The following RAB33A variants were observed in gnomAD, a reference collection of about 807,000 sequenced individuals.
The protein encoded by RAB33A is ras-related protein Rab-33A.
Under a neutral mutation model 12.0 loss-of-function variants are expected in RAB33A, and 6 were observed. The ratio of observed to expected loss-of-function variants is 0.50; its 90% CI spans 0.27 to 0.99. The LOEUF (loss-of-function observed/expected upper bound fraction) is 0.99, where lower values mean the gene tolerates loss of function less well. Among genes scored for constraint, RAB33A ranks in the 50% least tolerant of loss-of-function variants. The pLI is 0.11. For synonymous variants in RAB33A, 70 were observed against 82.4 expected (o/e 0.85, Z 0.81); for missense variants, 109 against 192.0 (o/e 0.57, Z 2.55).
chrX:130,145,583 A>T, the RAB33A span: 3 of 1,127,768 alleles, frequency 2.7e-6, no homozygotes, highest in Non-Finnish European at 3.7e-6. Context: ...TATGGAGAAG[A>T]GAGGGAGAAT....
intron 1 of RAB33A, among the ~76,000 whole-genome samples, chrX:130,183,765 C>G (rs1415282099): frequency 8.9e-6 from 1 of 111,860 alleles, no homozygotes; most frequent in Non-Finnish European, 1.9e-5. Flanking sequence ...AGATTTTTTT[C>G]AACTCAAGAT....
the RAB33A span, chrX:130,133,575 A>G: frequency 3.2e-6 from 3 of 927,023 alleles, no homozygotes; most frequent in Admixed American, 2.5e-5. Flanking sequence ...CATGTTTTCC[A>G]TCTACAGGCC....
intron 1 of RAB33A, among the ~76,000 whole-genome samples, chrX:130,180,083 A>G (rs1052003573): frequency 9.1e-6 from 1 of 110,308 alleles, no homozygotes; most frequent in Admixed American, 9.7e-5. Context: ...AGCTGATTCT[A>G]TAGGGGAGGA....
At chrX:130,145,743 C>G in the RAB33A span, among the ~76,000 whole-genome samples, 1 of 112,009 alleles carries the variant, frequency 8.9e-6, no homozygotes, top group Non-Finnish European at 1.9e-5. Flanking sequence ...GTATCCAGAT[C>G]AGTGGTTCTC....
chrX:130,160,948 A>T, the RAB33A span, among the ~76,000 whole-genome samples: 2 of 110,883 alleles, frequency 1.8e-5, no homozygotes, highest in Admixed American at 9.6e-5. Flanking sequence ...AGTTTTTTTT[A>T]AAAAAAGCTT....
the RAB33A span, among the ~76,000 whole-genome samples, chrX:130,164,449 AT>A: frequency 8.9e-6 from 1 of 112,574 alleles, no homozygotes; most frequent in East Asian, 2.8e-4. Context: ...TCCACTTTTT[AT>A]TTTTAAAGCA....
chrX:130,126,353 G>A, the RAB33A span, among the ~76,000 whole-genome samples: 2 of 110,915 alleles, frequency 1.8e-5, no homozygotes, highest in African/African-American at 6.6e-5. Context: ...TTAGCCGGGT[G>A]TGGTGGCGTG....
the RAB33A span, among the ~76,000 whole-genome samples, chrX:130,112,030 C>A: frequency 8.9e-6 from 1 of 111,872 alleles, no homozygotes; most frequent in South Asian, 3.7e-4. Flanking sequence ...AGGACCTACT[C>A]AGCCTCCAGC....
the RAB33A span, among the ~76,000 whole-genome samples, chrX:130,161,645 T>G: frequency 9.6e-6 from 1 of 103,822 alleles, no homozygotes; most frequent in Admixed American, 1.0e-4. Context: ...TCTCGCTCTG[T>G]CGTCCAGGCT....
the RAB33A span, among the ~76,000 whole-genome samples, chrX:130,141,648 A>G: frequency 9.0e-6 from 1 of 111,143 alleles, no homozygotes; most frequent in Non-Finnish European, 1.9e-5. Context: ...TTGTACTTTC[A>G]TTCTCTTCTG....
At chrX:130,145,527 G>A in the RAB33A span, 2 of 1,210,234 alleles carry the variant, frequency 1.7e-6, no homozygotes, top group Non-Finnish European at 2.2e-6. Context: ...TATGAGGCAG[G>A]TCCTGAGCAG....
chrX:130,124,054 G>C, the RAB33A span, among the ~76,000 whole-genome samples: 2 of 112,140 alleles, frequency 1.8e-5, no homozygotes, highest in Admixed American at 1.9e-4. Flanking sequence ...AGGCAACAAA[G>C]TGAGACCCCA....
the RAB33A span, among the ~76,000 whole-genome samples, chrX:130,113,073 C>CT: frequency 1.4e-5 from 1 of 70,619 alleles, no homozygotes; most frequent in Non-Finnish European, 2.6e-5. Context: ...TTTTTTTTTT[C>CT]CTTCTTTTTT....
At chrX:130,127,682 T>C in the RAB33A span, among the ~76,000 whole-genome samples, 1 of 86,830 alleles carries the variant, frequency 1.2e-5, no homozygotes, top group African/African-American at 5.2e-5. Context: ...GGATACTAGA[T>C]GAGTTTTCCT....
the RAB33A span, among the ~76,000 whole-genome samples, chrX:130,135,456 A>AC: frequency 9.4e-6 from 1 of 106,686 alleles, no homozygotes; most frequent in African/African-American, 3.4e-5. Flanking sequence ...AAAAAAAAAA[A>AC]CAAGGTTTGG....
In RAB33A at chrX:130,181,007, C is replaced by CAAAAAAAAAAAA. The variant is rs60085312; in HGVS notation, c.259-3262_259-3251dup. Among the ~76,000 whole-genome samples the CAAAAAAAAAAAA allele has an allele frequency of 8.6e-4, 7 of 8,129 alleles. 1 individual carries two copies. Among genetic ancestry groups the CAAAAAAAAAAAA allele is most frequent in the African/African-American group, 2.4e-3 (7 of 2,954 alleles). 7.1% of individuals were successfully genotyped at this position (8,129 alleles called of 115,157 possible). A position where few individuals can be genotyped will look rare whatever the true frequency, so the allele number is the denominator to read the frequency against. Reference sequence around the variant, plus strand: ...TGGGCAACAGAGCAACAGTCCATCTCAAAAAAAAAAAAAAAAAAAAAAAAA... The same window carrying CAAAAAAAAAAAA: ...TGGGCAACAGAGCAACAGTCCATCTCAAAAAAAAAAAAAAAAAAAAAAAAAAAAAAAAAAAAA... On this transcript the variant is annotated intron_variant, in intron 1 of 1. Coordinates refer to ENST00000257017, the MANE Select transcript of RAB33A (RefSeq NM_004794.3).
intron 1 of RAB33A, among the ~76,000 whole-genome samples, chrX:130,174,441 G>A (rs1228186841): frequency 8.9e-6 from 1 of 112,081 alleles, no homozygotes; most frequent in Non-Finnish European, 1.9e-5. Flanking sequence ...GCTGGCAGGC[G>A]AGAGACCAGC....
chrX:130,156,536 A>T, the RAB33A span: 2 of 1,211,825 alleles, frequency 1.7e-6, no homozygotes, highest in Admixed American at 4.3e-5. Flanking sequence ...CCCCTGATGC[A>T]CCAGAGCTAG....
At chrX:130,137,373 T>C in the RAB33A span, 1 of 1,154,470 alleles carries the variant, frequency 8.7e-7, no homozygotes, top group African/African-American at 1.8e-5. Flanking sequence ...GTAACGCAAA[T>C]ACAACAGGTA....
Sources: gnomAD v4.1 joint callset for allele counts (sites outside exome capture counted in the v4.1 genomes callset) on GRCh38, gnomAD v4.1.1 for gene constraint, MANE v1.5 for transcripts, NCBI Gene and HGNC (gene_info 2026-07-23, HGNC 2026-07-21) for gene names.